Variants in GAS7 observed in about 807,000 individuals in gnomAD.
The protein encoded by GAS7 is growth arrest specific 7.
In GAS7, 28 loss-of-function variants were observed where a neutral mutation model predicts 71.1. The observed-to-expected ratio is 0.39, with a 90% CI of 0.29 to 0.54. The LOEUF (loss-of-function observed/expected upper bound fraction) is 0.54. GAS7 is among the 20% of genes least tolerant of loss of function. The pLI is 0.62. For synonymous variants in GAS7, 258 were observed against 245.8 expected, an observed-to-expected ratio of 1.05 and a Z score of -0.46; for missense variants, 436 against 627.8, an observed-to-expected ratio of 0.69 and a Z score of 3.27.
Position 9,983,214 on chromosome 17 carries a change from G to C in GAS7, c.305-1330C>G, listed in dbSNP as rs114723648. ...GAATACCTTTCCAAAATCTGTCCAG[G>C]CACAGTGGTTCATGCGTCTTATCTC... On this transcript the variant is annotated intron_variant, in intron 2 of 13. Coordinates refer to ENST00000432992, the MANE Select transcript of GAS7 (RefSeq NM_201433.2). Among the ~76,000 whole-genome samples, 580 of 152,126 alleles carry C rather than the reference G, an allele frequency of 3.8e-3. 3 individuals are homozygous for C. The highest frequency in any genetic ancestry group is 0.013 in the African/African-American group (540 of 41,494).
intron 5 of GAS7, among the ~76,000 whole-genome samples, chr17:9,947,769 A>AG (rs2068846005): frequency 6.6e-6 from 1 of 151,712 alleles, no homozygotes; most frequent in African/African-American, 2.4e-5. Context: ...TGTCTCAAAA[A>AG]AAAAAAAAAG....
intron 3 of GAS7, among the ~76,000 whole-genome samples, chr17:9,973,278 G>A (rs1313954820): frequency 6.7e-6 from 1 of 149,498 alleles, no homozygotes; most frequent in African/African-American, 2.5e-5. Flanking sequence ...TTTTTGAGAC[G>A]GAGTCTTGCT....
intron 3 of GAS7, among the ~76,000 whole-genome samples, chr17:9,979,359 C>A (rs758015661): frequency 6.6e-6 from 1 of 152,192 alleles, no homozygotes; most frequent in Non-Finnish European, 1.5e-5. Context: ...GGGCAATTCT[C>A]ATCTCTATAT....
At chr17:10,095,100 C>T (rs149054861) in intron 1 of GAS7, among the ~76,000 whole-genome samples, 1,613 of 152,256 alleles carry the variant, frequency 0.011, 25 homozygotes, top group Middle Eastern at 0.024. Flanking sequence ...GCCTAGGTTT[C>T]CTCACGCATT....
chr17:10,126,441 C>T (rs900560535), intron 1 of GAS7, among the ~76,000 whole-genome samples: 1 of 151,454 alleles, frequency 6.6e-6, no homozygotes, highest in Non-Finnish European at 1.5e-5. Flanking sequence ...CAGATGCACA[C>T]ACGCGCGCGC....
At chr17:10,001,566 G>A (rs1269528792) in intron 2 of GAS7, among the ~76,000 whole-genome samples, 2 of 152,090 alleles carry the variant, frequency 1.3e-5, no homozygotes, top group African/African-American at 4.8e-5. Flanking sequence ...TCTCTCAGGG[G>A]AAATACAGAG....
At chr17:9,936,692 T>C (rs958802824) in intron 8 of GAS7, among the ~76,000 whole-genome samples, 3 of 152,322 alleles carry the variant, frequency 2.0e-5, no homozygotes, top group East Asian at 1.9e-4. Context: ...AGATTTTTCA[T>C]CTGATAAACG....
chr17:10,024,594 G>A (rs905209728), intron 1 of GAS7, among the ~76,000 whole-genome samples: 1 of 152,136 alleles, frequency 6.6e-6, no homozygotes, highest in African/African-American at 2.4e-5. Flanking sequence ...GTGTCTTTGT[G>A]GGAATAATAA....
intron 11 of GAS7, among the ~76,000 whole-genome samples, chr17:9,922,033 G>A (rs117909723): frequency 0.011 from 1,725 of 151,886 alleles, 84 homozygotes; most frequent in Admixed American, 0.073. Flanking sequence ...TAGACAAGTC[G>A]GTTATCCTGC....
intron 1 of GAS7, among the ~76,000 whole-genome samples, chr17:10,192,626 G>C (rs2142156404): frequency 1.3e-5 from 2 of 152,280 alleles, no homozygotes; most frequent in East Asian, 3.9e-4. Flanking sequence ...CCGCCGACTT[G>C]TTGCTAAGGG....
rs931212383 is a variant in GAS7 at position 9,959,791 on chromosome 17, G to T, written c.472-536C>A. On this transcript the variant is annotated intron_variant, in intron 4 of 13. Transcript: ENST00000432992. This position sits in a 1 kb window ranked among gnomAD's most constrained non-coding sequence, Gnocchi z 5.0. The stretch of plus-strand genomic sequence containing the variant: ...CTCCCCCAACCCCGTGAGCCAGGAG[G>T]GATTTCTCAGCCAAACCGACTTCCA... Among the ~76,000 whole-genome samples, 1 of 152,040 alleles carries T rather than the reference G, an allele frequency of 6.6e-6. No homozygotes were observed. The highest frequency in any genetic ancestry group is 2.4e-5 in the African/African-American group (1 of 41,358).
At chr17:10,110,333 G>T (rs1019753138) in intron 1 of GAS7, among the ~76,000 whole-genome samples, 1 of 152,140 alleles carries the variant, frequency 6.6e-6, no homozygotes, top group Non-Finnish European at 1.5e-5. Flanking sequence ...TGATATGTAG[G>T]AGCTAAAAAA....
intron 8 of GAS7, among the ~76,000 whole-genome samples, chr17:9,939,711 G>A (rs548587944): frequency 1.1e-3 from 174 of 152,038 alleles, no homozygotes; most frequent in Admixed American, 2.9e-3. Flanking sequence ...CTGGGTTCAC[G>A]CCATTCTCCT....
At chr17:10,129,706 A>C (rs577267593) in intron 1 of GAS7, among the ~76,000 whole-genome samples, 47 of 152,364 alleles carry the variant, frequency 3.1e-4, no homozygotes, top group African/African-American at 1.1e-3. Context: ...GACATCATTA[A>C]GAAAGTGAAA....
chr17:10,002,092 A>C (rs2071290458), intron 2 of GAS7, among the ~76,000 whole-genome samples: 1 of 146,946 alleles, frequency 6.8e-6, no homozygotes, highest in African/African-American at 2.7e-5. Flanking sequence ...GAAGTGTGTC[A>C]GTTTCCAGGG....
intron 1 of GAS7, among the ~76,000 whole-genome samples, chr17:10,122,830 AT>A (rs1283584644): frequency 6.6e-6 from 1 of 152,048 alleles, no homozygotes; most frequent in Non-Finnish European, 1.5e-5. Context: ...GTTTTTATAT[AT>A]TTTTATTTAT....
At position 10,052,597 on chromosome 17, in the gene GAS7, C is replaced by T. The variant is rs141565632; in HGVS notation, c.184-32700G>A. ...TGGCAGAGCTGGGAGTCCCAGAAGGCACCCCCTGCCCACCCATGCAAAGCA... is the reference window on the plus strand; with the variant it reads ...TGGCAGAGCTGGGAGTCCCAGAAGGTACCCCCTGCCCACCCATGCAAAGCA... On this transcript the variant is annotated intron_variant, in intron 1 of 13. Transcript: ENST00000432992. Among the ~76,000 whole-genome samples, 800 of 152,344 alleles carry T rather than the reference C, an allele frequency of 5.3e-3. 9 individuals are homozygous for T. Among genetic ancestry groups the T allele is most frequent in the African/African-American group, 0.018 (738 of 41,574 alleles).
intron 8 of GAS7, among the ~76,000 whole-genome samples, chr17:9,934,896 C>T (rs1037702897): frequency 3.3e-5 from 5 of 152,132 alleles, no homozygotes; most frequent in African/African-American, 4.8e-5. Context: ...CCACCACATC[C>T]GGCTAATTTT....
chr17:10,172,374 T>C (rs1358780728), intron 1 of GAS7, among the ~76,000 whole-genome samples: 1 of 152,204 alleles, frequency 6.6e-6, no homozygotes, highest in Non-Finnish European at 1.5e-5. Context: ...CCAATCATCT[T>C]GTTCACCTCC....
Sources: gnomAD v4.1 joint callset for allele counts (sites outside exome capture counted in the v4.1 genomes callset) on GRCh38, gnomAD v4.1.1 for gene constraint, Gnocchi (gnomAD v3.1) non-coding constraint, MANE v1.5 for transcripts, NCBI Gene and HGNC (gene_info 2026-07-23, HGNC 2026-07-21) for gene names.